CBARP: variants seen among roughly 807,000 people sequenced by gnomAD.
The protein encoded by CBARP is voltage-dependent calcium channel beta subunit-associated regulatory protein.
A neutral mutation model predicts 36.3 loss-of-function variants in CBARP; 24 were observed. That is an observed-to-expected ratio of 0.66 (90% CI 0.48 to 0.93). CBARP has a LOEUF of 0.93. CBARP is among the 40% of genes least tolerant of loss of function. The probability of loss-of-function intolerance (pLI) is 0.00; values close to 1 mark genes in which losing one functional copy is unlikely to be tolerated. For missense variants in CBARP, 1,146 were observed against 980.4 expected (o/e 1.17, Z -2.26); for synonymous variants, 586 against 453.2 (o/e 1.29, Z -3.72).
chr19:1,231,935 G>T (rs544947170), intron 8 of CBARP, among the ~76,000 whole-genome samples: 2 of 152,198 alleles, frequency 1.3e-5, no homozygotes, highest in South Asian at 4.1e-4. Flanking sequence ...ACTCATAAGG[G>T]CGTGTCCTGG....
Position 1,228,640 on chromosome 19 carries a change from T to C in CBARP, c.*539A>G, listed in dbSNP as rs1479292157. On this transcript the variant is annotated 3_prime_UTR_variant, in exon 10 of 10. Coordinates refer to ENST00000650044, the MANE Select transcript of CBARP (RefSeq NM_001393918.1). ...GCACACGCCGCAGTGAGGTAAACGG[T>C]CTCGGAGGTCGGCAGTCACGGTGTT... 6.4e-6 allele frequency: 1 copy of C among 155,884 alleles called. No individual in the cohort carries two copies. The highest frequency in any genetic ancestry group is 2.4e-5 in the African/African-American group (1 of 41,190). 9.7% of individuals were successfully genotyped at this position (155,884 alleles called of 1,614,324 possible).
At position 1,234,184 on chromosome 19, in the gene CBARP, C is replaced by A. The variant is rs1045644718; in HGVS notation, c.768+7G>T. 6.6e-7 allele frequency: 1 copy of A among 1,512,580 alleles called. No homozygotes were observed. The highest frequency in any genetic ancestry group is 1.4e-5 in the African/African-American group (1 of 71,680). The allele number at this position is 1,512,580 out of a possible 1,614,324, so 93.7% of individuals were successfully genotyped here. A position where few individuals can be genotyped will look rare whatever the true frequency, so the allele number is the denominator to read the frequency against. On this transcript the variant is annotated splice_region_variant and intron_variant, in intron 7 of 9. Coordinates refer to ENST00000650044, the MANE Select transcript of CBARP (RefSeq NM_001393918.1). ...GGACACCATGGGGGACACGCAGGGG[C>A]CCTCACCGAGGTGCCTTCCCCAGAG... is the stretch of plus-strand genomic sequence containing the variant.
rs2080847944 is a variant in CBARP, at chr19:1,228,606, C to G, written c.*573G>C. 1 of 161,512 alleles carries G rather than the reference C, an allele frequency of 6.2e-6. No homozygotes were observed. The highest frequency in any genetic ancestry group is 1.3e-5 in the Non-Finnish European group (1 of 74,144). 10.0% of individuals were successfully genotyped at this position (161,512 alleles called of 1,614,324 possible). On this transcript the variant is annotated 3_prime_UTR_variant, in exon 10 of 10. Transcript: ENST00000650044. The stretch of plus-strand genomic sequence containing the variant: ...GGTTATTGCTCGGAGGCGGCGCGGG[C>G]TGCCGCCAGCACACGCCGCAGTGAG...
rs1440404730 is a variant in CBARP, at chr19:1,231,178, G to A, written c.1077C>T (p.Tyr359=). The A allele has an allele frequency of 1.9e-6, 3 of 1,603,990 alleles. No homozygotes were observed. Among genetic ancestry groups the A allele is most frequent in the Non-Finnish European group, 2.5e-6 (3 of 1,178,308 alleles). The change falls in exon 9 of 10, where the codon TAC becomes TAT. Residue 359 remains tyrosine, a synonymous_variant. Coordinates refer to ENST00000650044, the MANE Select transcript of CBARP (RefSeq NM_001393918.1). ...GDAPQEDFIQ[Y]IARAGDAVAF... ...CCACGGCGTCGCCCGCCCGGGCAAT[G>A]TACTGGATGAAGTCCTCCTGGGGGG... is the stretch of plus-strand genomic sequence containing the variant.
rs2080846003 is a variant in CBARP, at chr19:1,228,455, C to A, written c.*724G>T. Reference sequence around the variant, plus strand: ...GACCTGGCCGTCTGGGTTTTGTTCGCGTCTCAACGTGGATGGGGCGGCAGC... The same window carrying A: ...GACCTGGCCGTCTGGGTTTTGTTCGAGTCTCAACGTGGATGGGGCGGCAGC... On this transcript the variant is annotated 3_prime_UTR_variant, in exon 10 of 10. Coordinates refer to ENST00000650044, the MANE Select transcript of CBARP (RefSeq NM_001393918.1). The A allele has an allele frequency of 1.4e-5, 3 of 214,404 alleles. No homozygotes were observed. Among genetic ancestry groups the A allele is most frequent in the Non-Finnish European group, 2.8e-5 (3 of 106,028 alleles). The allele number at this position is 214,404 out of a possible 1,614,324, so 13.3% of individuals were successfully genotyped here.
Position 1,229,202 on chromosome 19 carries a change from A to G in CBARP, c.2095T>C (p.Ser699Pro). Residue 699 changes from serine to proline, a missense_variant, in exon 10 of 10, where the codon TCC (serine) becomes CCC (proline). By Grantham distance (74) the Ser-to-Pro change is moderately conservative. Transcript: ENST00000650044. This position sits in a 1 kb window ranked among gnomAD's most constrained non-coding sequence, Gnocchi z 5.1. The part of the protein sequence containing the change: ...TPALVAAAPT[S>P]PDHSPA ...ACTTAGGCCGGGCTGTGGTCGGGGG[A>G]CGTGGGGGCGGCGGCGACCAACGCG... 8.4e-7 allele frequency: 1 copy of G among 1,193,802 alleles called. No individual in the cohort carries two copies. The highest frequency in any genetic ancestry group is 1.1e-6 in the Non-Finnish European group (1 of 941,178). The allele number at this position is 1,193,802 out of a possible 1,614,324, so 74.0% of individuals were successfully genotyped here. A position where few individuals can be genotyped will look rare whatever the true frequency, so the allele number is the denominator to read the frequency against.
intron 1 of CBARP, among the ~76,000 whole-genome samples, 200 bp from the exon 2 acceptor site, chr19:1,236,321 C>T (rs1035423418): frequency 6.6e-6 from 1 of 152,244 alleles, no homozygotes; most frequent in Non-Finnish European, 1.5e-5. Context: ...GGACCTCCAT[C>T]TCCCATCCCC....
intron 8 of CBARP, among the ~76,000 whole-genome samples, chr19:1,232,725 G>A (rs2080910218): frequency 6.6e-6 from 1 of 152,258 alleles, no homozygotes; most frequent in Admixed American, 6.5e-5. Context: ...CCCTGCCCCG[G>A]AGCTTCGGTA....
In CBARP at chr19:1,229,999, C is replaced by A. The variant is rs1190539363; in HGVS notation, c.1298G>T (p.Ser433Ile). 8.1e-7 allele frequency: 1 copy of A among 1,232,388 alleles called. No individual in the cohort carries two copies. Among genetic ancestry groups the A allele is most frequent in the Admixed American group, 2.8e-5 (1 of 35,222 alleles). 76.3% of individuals were successfully genotyped at this position (1,232,388 alleles called of 1,614,324 possible). A position where few individuals can be genotyped will look rare whatever the true frequency, so the allele number is the denominator to read the frequency against. ...GCGCAGGCTCCACAGGTCGCGGTAG[C>A]TGGTCTGGGCCTGCTCGGGGCCCGC... ...RDAGPEQAQT[S>I]YRDLWSLRAS... The change falls in exon 10 of 10, where the codon AGC becomes ATC. Residue 433 changes from serine (S) to isoleucine (I), a missense_variant. Transcript: ENST00000650044. The surrounding 1 kb of genome is among the most constrained non-coding windows in gnomAD (Gnocchi z 5.1).
At position 1,228,509 on chromosome 19, in the gene CBARP, C is replaced by T. The variant is rs1270337629; in HGVS notation, c.*670G>A. On this transcript the variant is annotated 3_prime_UTR_variant, in exon 10 of 10. Transcript: ENST00000650044. The stretch of plus-strand genomic sequence containing the variant: ...GCGGGCGCCGTTGACATGCGGAGGG[C>T]AGTGGGGACTCGGGGCGCGGGAGGG... The T allele has an allele frequency of 1.1e-5, 2 of 190,212 alleles. No individual in the cohort carries two copies. The highest frequency in any genetic ancestry group is 2.2e-5 in the Non-Finnish European group (2 of 90,454). 11.8% of individuals were successfully genotyped at this position (190,212 alleles called of 1,614,324 possible).
intron 7 of CBARP, 146 bp downstream of exon 7, chr19:1,234,043 CTT>C (rs1299912073): frequency 7.1e-5 from 71 of 995,912 alleles, no homozygotes; most frequent in Non-Finnish European, 8.9e-5. Flanking sequence ...CCGGCTCCCT[CTT>C]TCTCCCGTGT....
In CBARP at chr19:1,234,162, C is replaced by T. The variant is rs193226217; in HGVS notation, c.768+29G>A. On this transcript the variant is annotated intron_variant, in intron 7 of 9. Coordinates refer to ENST00000650044, the MANE Select transcript of CBARP (RefSeq NM_001393918.1). ...GGGAAGGAGCCTCCCCGGCTGTGGA[C>T]ACCATGGGGGACACGCAGGGGCCCT... is the stretch of plus-strand genomic sequence containing the variant. 30 of 1,473,952 alleles carry T rather than the reference C, an allele frequency of 2.0e-5. No homozygotes were observed. In the African/African-American group the frequency reaches 2.8e-4, roughly 14 times the overall value. 91.3% of individuals were successfully genotyped at this position (1,473,952 alleles called of 1,614,324 possible).
At chr19:1,231,653 CCA>C (rs113865789) in intron 8 of CBARP, among the ~76,000 whole-genome samples, 2 of 148,310 alleles carry the variant, frequency 1.3e-5, no homozygotes, top group African/African-American at 5.0e-5. Context: ...CCTGTGGCCC[CCA>C]CACACACACA....
chr19:1,235,258 G>A (rs1239373592), intron 4 of CBARP, 113 bp from the exon 5 acceptor site: 13 of 1,217,564 alleles, frequency 1.1e-5, no homozygotes, highest in African/African-American at 1.6e-5. Context: ...GCCGCGGCAC[G>A]GGCGGCCGGG....
intron 9 of CBARP, chr19:1,230,356 T>A: frequency 1.0e-6 from 1 of 986,852 alleles, no homozygotes. Flanking sequence ...TTAAGCAGGG[T>A]GCCTCCATGC....
At chr19:1,234,153 G>C in intron 7 of CBARP, 38 bp downstream of exon 7, 1 of 1,457,368 alleles carries the variant, frequency 6.9e-7, no homozygotes, top group Non-Finnish European at 9.0e-7. Context: ...GAGCCTCCCC[G>C]GCTGTGGACA....
intron 7 of CBARP, among the ~76,000 whole-genome samples, 156 bp from the exon 8 acceptor site, chr19:1,233,792 G>A (rs1290018340): frequency 1.3e-5 from 2 of 152,228 alleles, no homozygotes; most frequent in Non-Finnish European, 2.9e-5. Context: ...GCGGGAGGAG[G>A]GGCGCTCAGT....
chr19:1,235,214 G>C (rs1415961474), intron 4 of CBARP, 69 bp from the exon 5 acceptor site: 1 of 1,378,404 alleles, frequency 7.3e-7, no homozygotes, highest in African/African-American at 1.5e-5. Context: ...CGGGAGGGCT[G>C]CTCCTCCGGG....
At chr19:1,234,836 G>A (rs768139441) in intron 5 of CBARP, 94 bp from the exon 6 acceptor site, 2 of 1,528,094 alleles carry the variant, frequency 1.3e-6, no homozygotes, top group East Asian at 4.8e-5. Context: ...GCCTGGGCAG[G>A]GGCAGGCGAA....
Sources: gnomAD v4.1 joint callset for allele counts (sites outside exome capture counted in the v4.1 genomes callset) on GRCh38, gnomAD v4.1.1 for gene constraint, Gnocchi (gnomAD v3.1) non-coding constraint, MANE v1.5 for transcripts, NCBI Gene and HGNC (gene_info 2026-07-23, HGNC 2026-07-21) for gene names.